Variants in SIMC1 observed in about 807,000 individuals in gnomAD.
The protein encoded by SIMC1 is SUMO interacting motifs containing 1, also known as SUMO-interacting motif-containing protein 1.
SIMC1 carries 55 observed loss-of-function variants against 82.3 expected under a neutral mutation model. That is an observed-to-expected ratio of 0.67 (90% confidence interval 0.54 to 0.84). The LOEUF (loss-of-function observed/expected upper bound fraction) is 0.84, where lower values mean the gene tolerates loss of function less well. Ranked by LOEUF, SIMC1 falls within the 40% of genes least tolerant of loss-of-function variation. The pLI is 0.00. For synonymous variants in SIMC1, 353 were observed against 426.3 expected (o/e 0.83, Z 2.12); for missense variants, 915 against 1,107.2 (o/e 0.83, Z 2.46).
rs1427629384 is a variant in SIMC1 at position 176,274,093 on chromosome 5, A to G, written c.130-15561A>G. Among the ~76,000 whole-genome samples, 7 of 148,822 alleles carry G rather than the reference A, an allele frequency of 4.7e-5. No homozygotes were observed. In the Middle Eastern group the frequency reaches 0.014, roughly 293 times the overall value. On this transcript the variant is annotated intron_variant, in intron 1 of 9. Transcript: ENST00000429602. ...AGGAATCGCCACACTGACTTCCACA[A>G]TGGTTGAACTAGTTTACAGTCCCAC... is the stretch of plus-strand genomic sequence containing the variant.
chr5:176,279,810 C>A (rs1450387876), intron 1 of SIMC1, among the ~76,000 whole-genome samples: 4 of 151,904 alleles, frequency 2.6e-5, no homozygotes. Context: ...ATCCTGAGTT[C>A]TAGTTTGATT....
At position 176,344,468 on chromosome 5, in the gene SIMC1, TACACAC is replaced by T. The variant is rs57991528; in HGVS notation, c.2414-682_2414-677del. On this transcript the variant is annotated intron_variant, in intron 9 of 9. Transcript: ENST00000429602. Reference sequence around the variant, plus strand: ...TGCGGATCACTTGAGGTCAGGAGTATACACACACACACACACACACACACACACACA... The same window carrying T: ...TGCGGATCACTTGAGGTCAGGAGTATACACACACACACACACACACACACA... Among the ~76,000 whole-genome samples the T allele has an allele frequency of 4.8e-3, 704 of 146,568 alleles. 4 individuals are homozygous for T. Among genetic ancestry groups the T allele is most frequent in the African/African-American group, 0.013 (527 of 40,052 alleles).
At chr5:176,247,156 T>C (rs1215412624) in intron 1 of SIMC1, among the ~76,000 whole-genome samples, 2 of 152,174 alleles carry the variant, frequency 1.3e-5, no homozygotes, top group South Asian at 2.1e-4. Flanking sequence ...ATGGTATTTC[T>C]GGTTCTAGAT....
At chr5:176,282,414 C>T (rs1763055337) in intron 1 of SIMC1, among the ~76,000 whole-genome samples, 1 of 152,262 alleles carries the variant, frequency 6.6e-6, no homozygotes, top group East Asian at 1.9e-4. Flanking sequence ...CCTGCTTCGG[C>T]TCGCGCATGG....
At chr5:176,337,597 G>C (rs1478355156) in intron 9 of SIMC1, among the ~76,000 whole-genome samples, 2 of 152,132 alleles carry the variant, frequency 1.3e-5, no homozygotes, top group Admixed American at 6.5e-5. Flanking sequence ...CTGTCTCAAG[G>C]GGGGCGGAAA....
At chr5:176,279,497 A>G (rs1243819669) in intron 1 of SIMC1, among the ~76,000 whole-genome samples, 1 of 150,130 alleles carries the variant, frequency 6.7e-6, no homozygotes, top group Non-Finnish European at 1.5e-5. Flanking sequence ...GATTTTAGTT[A>G]TTTCTTGCCT....
chr5:176,290,245 T>C lies in SIMC1; in HGVS notation c.721T>C (p.Ser241Pro), dbSNP rs1392911676. 1 of 1,608,590 alleles carries C rather than the reference T, an allele frequency of 6.2e-7. No homozygotes were observed. The highest frequency in any genetic ancestry group is 8.5e-7 in the Non-Finnish European group (1 of 1,178,068). The change falls in exon 2 of 10, where the codon TCA becomes CCA. Residue 241 changes from serine (S) to proline (P), a missense_variant. Coordinates refer to ENST00000429602, the MANE Select transcript of SIMC1 (RefSeq NM_001308195.2). The stretch of plus-strand genomic sequence containing the variant: ...CTCACCATGTCCACCACGAGCCTCC[T>C]CATGCCCACCACGAGCCTTGTCATG... ...RASPCPPRAS[S>P]CPPRALSCPS...
chr5:176,302,907 C>A (rs1764103162), intron 4 of SIMC1, among the ~76,000 whole-genome samples: 1 of 152,046 alleles, frequency 6.6e-6, no homozygotes, highest in South Asian at 2.1e-4. Context: ...AATTAGACAC[C>A]AATAAATGGT....
At chr5:176,312,754 A>G (rs1199221781) in intron 4 of SIMC1, among the ~76,000 whole-genome samples, 1 of 152,164 alleles carries the variant, frequency 6.6e-6, no homozygotes, top group African/African-American at 2.4e-5. Context: ...ATGTTCTGAG[A>G]AAATATACCT....
In SIMC1 at chr5:176,287,648, A is replaced by G. The variant is rs544751555; in HGVS notation, c.130-2006A>G. Among the ~76,000 whole-genome samples, 11 of 26,826 alleles carry G rather than the reference A, an allele frequency of 4.1e-4. 1 individual carries two copies. The East Asian group carries it at 8.8e-3, about 22-fold the overall frequency. 17.6% of individuals were successfully genotyped at this position (26,826 alleles called of 152,430 possible). On this transcript the variant is annotated intron_variant, in intron 1 of 9. Transcript: ENST00000429602. ...ATATAATAATTTTTTAAAAAGTTAA[A>G]AATAAATAAAAATAAAATGTAAGCA...
At chr5:176,301,546 G>A (rs1193303326) in intron 4 of SIMC1, among the ~76,000 whole-genome samples, 2 of 152,182 alleles carry the variant, frequency 1.3e-5, no homozygotes, top group Admixed American at 6.5e-5. Flanking sequence ...GGGAGGCCAA[G>A]GTGGGCGGAT....
rs150523689 is a variant in SIMC1 at position 176,295,381 on chromosome 5, G to A, written c.1664+119G>A. ...TTACAGTGGGTGACTTAGCATATTA[G>A]TGTTATTTGAATTGCAAATGATAGG... On this transcript the variant is annotated intron_variant, in intron 3 of 9. Transcript: ENST00000429602. 2.8e-4 allele frequency: 412 copies of A among 1,458,960 alleles called. 3 individuals carry two copies. In the African/African-American group the frequency reaches 5.2e-3, roughly 18 times the overall value. 90.4% of individuals were successfully genotyped at this position (1,458,960 alleles called of 1,614,324 possible). A position where few individuals can be genotyped will look rare whatever the true frequency, so the allele number is the denominator to read the frequency against.
At chr5:176,306,497 G>A (rs2113324023) in intron 4 of SIMC1, among the ~76,000 whole-genome samples, 1 of 146,414 alleles carries the variant, frequency 6.8e-6, no homozygotes, top group South Asian at 2.2e-4. Flanking sequence ...AAAAGATTGA[G>A]AAATCGGATG....
chr5:176,246,394 A>AGCTTGTG (rs1761443187), intron 1 of SIMC1, among the ~76,000 whole-genome samples: 1 of 148,454 alleles, frequency 6.7e-6, no homozygotes, highest in Non-Finnish European at 1.5e-5. Context: ...ATCAGCTTGT[A>AGCTTGTG]TAATAGTTCA....
rs1762627614 is a variant in SIMC1 at position 176,275,114 on chromosome 5, A to C, written c.130-14540A>C. On this transcript the variant is annotated intron_variant, in intron 1 of 9. Transcript: ENST00000429602. ...TGATTCTTCCTACCCATGAGCATGG[A>C]ATGTTCTTCCATTTGTTTGTATCCT... Among the ~76,000 whole-genome samples the C allele has an allele frequency of 2.0e-5, 3 of 151,534 alleles. No individual in the cohort carries two copies. The East Asian group carries it at 5.8e-4, about 29-fold the overall frequency.
At chr5:176,269,939 T>G (rs1230538346) in intron 1 of SIMC1, among the ~76,000 whole-genome samples, 3 of 151,590 alleles carry the variant, frequency 2.0e-5, no homozygotes, top group Non-Finnish European at 4.4e-5. Flanking sequence ...TTTTTTTTTG[T>G]AGAGACAAGG....
chr5:176,290,643 T>C lies in SIMC1; in HGVS notation c.1119T>C (p.Phe373=). 1.2e-6 allele frequency: 2 copies of C among 1,613,988 alleles called. No individual in the cohort carries two copies. The highest frequency in any genetic ancestry group is 2.2e-5 in the South Asian group (2 of 91,080). The part of the protein sequence containing the change: ...IPHLPGDRPD[F]TQNDVQNRDM... ...ACTTACCAGGAGACAGGCCTGACTT[T>C]ACCCAGAATGATGTACAGAACCGTG... The change falls in exon 2 of 10, where the codon TTT becomes TTC. Residue 373 remains phenylalanine, a synonymous_variant. Transcript: ENST00000429602.
intron 1 of SIMC1, among the ~76,000 whole-genome samples, chr5:176,272,844 A>G (rs1382712997): frequency 1.3e-5 from 2 of 152,218 alleles, no homozygotes; most frequent in East Asian, 3.8e-4. Flanking sequence ...TTGCTAGCAC[A>G]GCAGTCTGAG....
intron 1 of SIMC1, among the ~76,000 whole-genome samples, chr5:176,280,475 A>C (rs1762941174): frequency 6.6e-6 from 1 of 151,230 alleles, no homozygotes; most frequent in African/African-American, 2.4e-5. Context: ...TGAACCTGTC[A>C]TTATGATGTT....
Sources: allele counts gnomAD v4.1 joint callset (sites outside exome capture counted in the v4.1 genomes callset), GRCh38; gene constraint gnomAD v4.1.1; transcripts MANE v1.5; gene names NCBI Gene and HGNC (gene_info 2026-07-23, HGNC 2026-07-21).